Variants in ELL observed in about 807,000 individuals in gnomAD.
The protein encoded by ELL is RNA polymerase II elongation factor ELL.
In ELL, 18 loss-of-function variants were observed where a neutral mutation model predicts 64.0. The ratio of observed to expected loss-of-function variants is 0.28; its 90% CI spans 0.19 to 0.42. The LOEUF is 0.42. Ranked by LOEUF, ELL falls within the 10% of genes least tolerant of loss-of-function variation. The probability of loss-of-function intolerance (pLI) is 1.00; values close to 1 mark genes in which losing one functional copy is unlikely to be tolerated. For missense variants in ELL, 797 were observed against 870.4 expected (o/e 0.92, Z 1.06); for synonymous variants, 399 against 376.2 (o/e 1.06, Z -0.70).
At chr19:18,475,075 G>GATTGC (rs1975149017) in intron 1 of ELL, among the ~76,000 whole-genome samples, 1 of 152,140 alleles carries the variant, frequency 6.6e-6, no homozygotes, top group African/African-American at 2.4e-5. Context: ...AGTGAGCTGA[G>GATTGC]ATTGCACCAC....
At chr19:18,504,654 G>C (rs1975846203) in intron 1 of ELL, among the ~76,000 whole-genome samples, 1 of 152,184 alleles carries the variant, frequency 6.6e-6, no homozygotes, top group South Asian at 2.1e-4. Flanking sequence ...AGTCACAGCA[G>C]AAAACCTGAG....
chr19:18,510,156 C>T (rs1339293123), intron 1 of ELL, among the ~76,000 whole-genome samples: 1 of 152,196 alleles, frequency 6.6e-6, no homozygotes, highest in Non-Finnish European at 1.5e-5. Context: ...TCACTTGAGG[C>T]CAGGAGTTTG....
At chr19:18,485,328 C>A (rs1000112395) in intron 1 of ELL, among the ~76,000 whole-genome samples, 7 of 152,200 alleles carry the variant, frequency 4.6e-5, no homozygotes, top group African/African-American at 1.7e-4. Context: ...AGGGCCACCT[C>A]ACTTTTGGGC....
intron 6 of ELL, among the ~76,000 whole-genome samples, chr19:18,452,698 C>T (rs1392083273): frequency 6.6e-6 from 1 of 152,196 alleles, no homozygotes; most frequent in Non-Finnish European, 1.5e-5. Context: ...GACAGTGAGC[C>T]CAGGGCTGTC....
At position 18,501,068 on chromosome 19, in the gene ELL, C is replaced by CA. The variant is rs1975770770; in HGVS notation, c.135+20852dup. Among the ~76,000 whole-genome samples, 1 of 152,104 alleles carries CA rather than the reference C, an allele frequency of 6.6e-6. No individual in the cohort carries two copies. The highest frequency in any genetic ancestry group is 1.5e-5 in the Non-Finnish European group (1 of 68,022). On this transcript the variant is annotated intron_variant, in intron 1 of 11. Coordinates refer to ENST00000262809, the MANE Select transcript of ELL (RefSeq NM_006532.4). The surrounding 1 kb of genome is among the most constrained non-coding windows in gnomAD (Gnocchi z 4.5). Reference sequence around the variant, plus strand: ...CACAGCAGGAGAGGCAATGCCGTCCCATCCCAAGCATGTGGGCGCACACCC... The same window carrying CA: ...CACAGCAGGAGAGGCAATGCCGTCCCAATCCCAAGCATGTGGGCGCACACCC...
intron 10 of ELL, 79 bp from the exon 11 acceptor site, chr19:18,445,347 T>C: frequency 7.6e-7 from 1 of 1,322,764 alleles, no homozygotes; most frequent in Non-Finnish European, 1.1e-6. Flanking sequence ...TCCCAGGTGC[T>C]CTGAGAAGGG....
In ELL at chr19:18,461,915, G is replaced by A. The variant is rs371042422; in HGVS notation, c.470-63C>T. 13 of 1,556,608 alleles carry A rather than the reference G, an allele frequency of 8.4e-6. No homozygotes were observed. The African/African-American group carries it at 1.5e-4, about 18-fold the overall frequency. On this transcript the variant is annotated intron_variant, in intron 4 of 11. Transcript: ENST00000262809. The stretch of plus-strand genomic sequence containing the variant: ...CGCTGCCGTGTCCTAAGCCAGTGCT[G>A]CTGACCAGGTGCCCAGAGGTTTGAG...
At chr19:18,481,087 C>T (rs893291616) in intron 1 of ELL, among the ~76,000 whole-genome samples, 1 of 152,300 alleles carries the variant, frequency 6.6e-6, no homozygotes, top group East Asian at 1.9e-4. Context: ...CAGGACAGCA[C>T]GCTGAGCAGG....
Position 18,458,229 on chromosome 19 carries a change from T to C in ELL, c.845A>G (p.Gln282Arg). ...CCGGACGAGCACCCGCTTCAGCAGC[T>C]GCTGGTCCCCCTCCGAGTAGCCAGG... ...DWPGYSEGDQ[Q>R]LLKRVLVRKL... The change falls in exon 6 of 12, where the codon CAG becomes CGG. Residue 282 changes from glutamine to arginine, a missense_variant. By Grantham distance (43) the Gln-to-Arg change is conservative. Transcript: ENST00000262809. The C allele has an allele frequency of 6.2e-7, 1 of 1,611,764 alleles. No individual in the cohort carries two copies.
intron 10 of ELL, among the ~76,000 whole-genome samples, chr19:18,445,731 G>A (rs962234051): frequency 2.2e-4 from 34 of 152,256 alleles, no homozygotes; most frequent in Admixed American, 9.8e-4. Context: ...CAGGTCACCA[G>A]TTCCGAAAGG....
intron 5 of ELL, among the ~76,000 whole-genome samples, chr19:18,459,580 C>T (rs958854536): frequency 1.4e-5 from 2 of 142,270 alleles, no homozygotes; most frequent in Non-Finnish European, 3.0e-5. Flanking sequence ...AGTGCAATGG[C>T]GCTATCTTGG....
rs904731626 is a variant in ELL at position 18,493,444 on chromosome 19, G to A, written c.136-20562C>T. On this transcript the variant is annotated intron_variant, in intron 1 of 11. Coordinates refer to ENST00000262809, the MANE Select transcript of ELL (RefSeq NM_006532.4). ...CTGCTGGCCAGGGCAGGGAGGGCTG[G>A]CTCCCCAAATGCAGGGCCTGGTGCT... 2.6e-5 allele frequency among the ~76,000 whole-genome samples: 4 copies of A among 152,250 alleles called. No individual in the cohort carries two copies. The East Asian group carries it at 7.7e-4, about 29-fold the overall frequency.
chr19:18,493,374 C>T (rs1975573748), intron 1 of ELL, among the ~76,000 whole-genome samples: 1 of 152,218 alleles, frequency 6.6e-6, no homozygotes, highest in Admixed American at 6.5e-5. Flanking sequence ...CCCTGGGCAG[C>T]ATAACAATGC....
At chr19:18,478,016 A>G (rs370097975) in intron 1 of ELL, among the ~76,000 whole-genome samples, 17 of 152,226 alleles carry the variant, frequency 1.1e-4, no homozygotes, top group African/African-American at 4.1e-4. Flanking sequence ...TGCCCTGACA[A>G]GCCAATCAAG....
intron 4 of ELL, among the ~76,000 whole-genome samples, 156 bp downstream of exon 4, chr19:18,465,256 C>A (rs1974909041): frequency 6.6e-6 from 1 of 152,236 alleles, no homozygotes; most frequent in Non-Finnish European, 1.5e-5. Context: ...AACCCAGACT[C>A]TGGTCCAGGC....
At chr19:18,500,974 T>C (rs1975768814) in intron 1 of ELL, among the ~76,000 whole-genome samples, 2 of 151,082 alleles carry the variant, frequency 1.3e-5, no homozygotes, top group Non-Finnish European at 3.0e-5. Context: ...GAGTTGACTC[T>C]GTGACTCCAC....
At position 18,465,923 on chromosome 19, in the gene ELL, G is replaced by A. The variant is rs754709927; in HGVS notation, c.184-5C>T. 8.3e-5 allele frequency: 109 copies of A among 1,305,452 alleles called. No homozygotes were observed. The highest frequency in any genetic ancestry group is 3.7e-4 in the Admixed American group (11 of 29,598). The allele number at this position is 1,305,452 out of a possible 1,614,324, so 80.9% of individuals were successfully genotyped here. The stretch of plus-strand genomic sequence containing the variant: ...AGGCTGGGGGATGGAGATGTGCTGC[G>A]TGGAGGGGGAGGGGGTGTCACTGGG... On this transcript the variant is annotated splice_region_variant and splice_polypyrimidine_tract_variant and intron_variant, in intron 2 of 11. Coordinates refer to ENST00000262809, the MANE Select transcript of ELL (RefSeq NM_006532.4).
rs534599854 is a variant in ELL, at chr19:18,497,954, C to T, written c.135+23967G>A. Among the ~76,000 whole-genome samples, 12 of 151,440 alleles carry T rather than the reference C, an allele frequency of 7.9e-5. No homozygotes were observed. The South Asian group carries it at 1.5e-3, about 18-fold the overall frequency. On this transcript the variant is annotated intron_variant, in intron 1 of 11. Transcript: ENST00000262809. The stretch of plus-strand genomic sequence containing the variant: ...GACCAGCCTGACCAACTTGGAGAAA[C>T]CCTGTCTCTACTAAAAATACAAAAT...
chr19:18,500,700 C>T (rs1384263107), intron 1 of ELL, among the ~76,000 whole-genome samples: 1 of 152,190 alleles, frequency 6.6e-6, no homozygotes, highest in African/African-American at 2.4e-5. Flanking sequence ...GGCAGCATGG[C>T]AGAGGGTGGT....
Sources: gnomAD v4.1 joint callset for allele counts (sites outside exome capture counted in the v4.1 genomes callset) on GRCh38, gnomAD v4.1.1 for gene constraint, Gnocchi (gnomAD v3.1) non-coding constraint, MANE v1.5 for transcripts, NCBI Gene and HGNC (gene_info 2026-07-23, HGNC 2026-07-21) for gene names.